KIAA0319: variants seen among roughly 807,000 people sequenced by gnomAD.
The protein encoded by KIAA0319 is KIAA0319, also known as dyslexia-associated protein KIAA0319.
Under a neutral mutation model 108.4 loss-of-function variants are expected in KIAA0319, and 83 were observed. That is an observed-to-expected ratio of 0.77 (90% confidence interval 0.64 to 0.92). The LOEUF is 0.92. KIAA0319 is among the 40% of genes least tolerant of loss of function. The pLI is 0.00. For missense variants in KIAA0319, 1,195 were observed against 1,322.4 expected (o/e 0.90, Z 1.49); for synonymous variants, 484 against 510.4 (o/e 0.95, Z 0.70).
chr6:24,557,821 C>T (rs1424374894), intron 17 of KIAA0319, among the ~76,000 whole-genome samples: 1 of 151,836 alleles, frequency 6.6e-6, no homozygotes, highest in East Asian at 1.9e-4. Flanking sequence ...GTCTCAAACT[C>T]CTAGCCTCAA....
intron 11 of KIAA0319, among the ~76,000 whole-genome samples, chr6:24,570,914 G>T (rs907133413): frequency 6.6e-6 from 1 of 152,078 alleles, no homozygotes; most frequent in African/African-American, 2.4e-5. Context: ...ATATTGGCAG[G>T]GCGTGGTAGT....
At chr6:24,589,969 G>T (rs964304223) in intron 3 of KIAA0319, among the ~76,000 whole-genome samples, 2 of 152,108 alleles carry the variant, frequency 1.3e-5, no homozygotes, top group African/African-American at 4.8e-5. Flanking sequence ...TATCTTTTGC[G>T]ACTTTTAGTC....
chr6:24,600,117 G>C (rs73388299), intron 2 of KIAA0319, among the ~76,000 whole-genome samples: 5,662 of 152,130 alleles, frequency 0.037, 193 homozygotes, highest in African/African-American at 0.093. Flanking sequence ...TGAATTAAGG[G>C]AGAATACCTC....
At chr6:24,580,003 A>C in intron 7 of KIAA0319, 53 bp from the exon 8 acceptor site, 1 of 1,313,988 alleles carries the variant, frequency 7.6e-7, no homozygotes, top group South Asian at 1.3e-5. Context: ...GGCATATGTC[A>C]TTACCCACAT....
intron 1 of KIAA0319, among the ~76,000 whole-genome samples, chr6:24,611,251 C>A (rs1197282091): frequency 3.3e-5 from 5 of 151,614 alleles, no homozygotes; most frequent in Non-Finnish European, 1.5e-5. Context: ...CAGCACCCAG[C>A]ACTTTGGGAG....
chr6:24,602,681 G>A (rs2127537606), intron 1 of KIAA0319, among the ~76,000 whole-genome samples: 1 of 152,212 alleles, frequency 6.6e-6, no homozygotes, highest in East Asian at 1.9e-4. Flanking sequence ...GGCGCCTGTA[G>A]TCCCAGCTAC....
rs372195479 is a variant in KIAA0319 at position 24,562,673 on chromosome 6, C to T, written c.2591+686G>A. On this transcript the variant is annotated intron_variant, in intron 16 of 20. Transcript: ENST00000378214. ...TGGTCAACAAGATGAAACCCTGCCT[C>T]TACTAAAAATACAGAAATTAGCCGG... Among the ~76,000 whole-genome samples, 199 of 152,182 alleles carry T rather than the reference C, an allele frequency of 1.3e-3. 2 individuals carry two copies. The South Asian group carries it at 0.027, about 21-fold the overall frequency.
intron 1 of KIAA0319, among the ~76,000 whole-genome samples, chr6:24,617,512 G>C (rs1431800561): frequency 6.6e-6 from 1 of 152,064 alleles, no homozygotes; most frequent in Non-Finnish European, 1.5e-5. Context: ...AAAACAAAGA[G>C]GGAGCTAGAA....
In KIAA0319 at chr6:24,613,166, A is replaced by G. The variant is rs150545992; in HGVS notation, c.-105-11958T>C. 7.1e-3 allele frequency among the ~76,000 whole-genome samples: 1,074 copies of G among 152,278 alleles called. 12 individuals carry two copies. The highest frequency in any genetic ancestry group is 0.022 in the African/African-American group (928 of 41,548). On this transcript the variant is annotated intron_variant, in intron 1 of 20. Transcript: ENST00000378214. ...CCTGCCTTTACTTTTGGTCGCTGAG[A>G]GCTTACATCTACTCGGCATTAAGAG...
In KIAA0319 at chr6:24,563,433, C is replaced by A; in HGVS notation, c.2517G>T (p.Arg839Ser). The stretch of plus-strand genomic sequence containing the variant: ...GCACGTTCAGCAGCACAGCCAGCTG[C>A]CTCACAAGGGTGTCCTTCCGCTGCT... ...LTEQRKDTLV[R>S]QLAVLLNVLD... Residue 839 changes from arginine (R) to serine (S), a missense_variant, in exon 16 of 21, where the codon AGG (arginine) becomes AGT (serine). Physicochemically the swap from Arg to Ser is moderately radical, Grantham distance 110. Coordinates refer to ENST00000378214, the MANE Select transcript of KIAA0319 (RefSeq NM_014809.4). 1 of 1,613,908 alleles carries A rather than the reference C, an allele frequency of 6.2e-7. No homozygotes were observed. Among genetic ancestry groups the A allele is most frequent in the Non-Finnish European group, 8.5e-7 (1 of 1,179,952 alleles).
rs747621869 is a variant in KIAA0319 at position 24,563,437 on chromosome 6, A to C, written c.2513T>G (p.Val838Gly). 3.1e-5 allele frequency: 50 copies of C among 1,613,868 alleles called. No homozygotes were observed. Among genetic ancestry groups the C allele is most frequent in the Non-Finnish European group, 4.2e-5 (49 of 1,179,958 alleles). ...GTTCAGCAGCACAGCCAGCTGCCTCACAAGGGTGTCCTTCCGCTGCTCTGT... is the reference window on the plus strand; with the variant it reads ...GTTCAGCAGCACAGCCAGCTGCCTCCCAAGGGTGTCCTTCCGCTGCTCTGT... ...QLTEQRKDTLVRQLAVLLNVL... is the reference protein window; with the variant it reads ...QLTEQRKDTLGRQLAVLLNVL... The change falls in exon 16 of 21, where the codon GTG becomes GGG. Residue 838 changes from valine to glycine, a missense_variant. Val to Gly is a moderately radical substitution (Grantham distance 109). Transcript: ENST00000378214.
chr6:24,540,796 G>T (rs933729033), downstream of KIAA0319, among the ~76,000 whole-genome samples: 1 of 152,108 alleles, frequency 6.6e-6, no homozygotes, highest in Non-Finnish European at 1.5e-5. Flanking sequence ...AAGTTGCAAA[G>T]ATAATGCAGA....
chr6:24,628,110 C>T (rs893041875), intron 1 of KIAA0319, among the ~76,000 whole-genome samples: 1 of 152,076 alleles, frequency 6.6e-6, no homozygotes, highest in African/African-American at 2.4e-5. Context: ...AGAACATGGG[C>T]AATAAAAACA....
intron 1 of KIAA0319, among the ~76,000 whole-genome samples, chr6:24,623,150 T>C (rs551687317): frequency 2.6e-5 from 4 of 152,280 alleles, no homozygotes; most frequent in African/African-American, 9.6e-5. Context: ...AGAACACCTG[T>C]TCTACGTGGC....
At chr6:24,626,397 T>G (rs978323368) in intron 1 of KIAA0319, among the ~76,000 whole-genome samples, 6 of 152,122 alleles carry the variant, frequency 3.9e-5, no homozygotes. Context: ...CTGAGTGTGG[T>G]GGCACACACC....
chr6:24,629,925 G>A (rs530089773), intron 1 of KIAA0319, among the ~76,000 whole-genome samples: 1 of 152,318 alleles, frequency 6.6e-6, no homozygotes, highest in East Asian at 1.9e-4. Context: ...GGTGGCTCAT[G>A]CCTGTAATCT....
chr6:24,565,154 G>A (rs966125944), intron 14 of KIAA0319, among the ~76,000 whole-genome samples: 1 of 152,068 alleles, frequency 6.6e-6, no homozygotes, highest in Admixed American at 6.6e-5. Context: ...TCGGGAGGCT[G>A]AGGCAGGAGA....
intron 2 of KIAA0319, 104 bp from the exon 3 acceptor site, chr6:24,596,722 C>G: frequency 1.9e-6 from 2 of 1,029,688 alleles, no homozygotes; most frequent in South Asian, 3.2e-5. Flanking sequence ...CCTGGCCAGT[C>G]TGGCAAGCAA....
chr6:24,620,353 T>G (rs1032844170), intron 1 of KIAA0319, among the ~76,000 whole-genome samples: 3 of 152,224 alleles, frequency 2.0e-5, no homozygotes, highest in Admixed American at 6.5e-5. Flanking sequence ...CAGGCTGAAG[T>G]GCAGTGGCAT....
Sources: allele counts gnomAD v4.1 joint callset (sites outside exome capture counted in the v4.1 genomes callset), GRCh38; gene constraint gnomAD v4.1.1; transcripts MANE v1.5; gene names NCBI Gene and HGNC (gene_info 2026-07-23, HGNC 2026-07-21).